The following SGCZ variants were observed in gnomAD, a reference collection of about 807,000 sequenced individuals.
The protein encoded by SGCZ is sarcoglycan zeta.
Under a neutral mutation model 41.3 loss-of-function variants are expected in SGCZ, and 40 were observed. That is an observed-to-expected ratio of 0.97 (90% CI 0.75 to 1.26). SGCZ has a LOEUF of 1.26. Ranked by LOEUF, SGCZ falls within the 50% of genes most tolerant of loss-of-function variation. The probability of loss-of-function intolerance (pLI) is 0.00; values close to 1 mark genes in which losing one functional copy is unlikely to be tolerated. For missense variants in SGCZ, 552 were observed against 369.8 expected, an observed-to-expected ratio of 1.49 and a Z score of -4.04; for synonymous variants, 206 against 137.5, an observed-to-expected ratio of 1.50 and a Z score of -3.49.
intron 1 of SGCZ, among the ~76,000 whole-genome samples, chr8:15,083,972 T>A (rs1373934847): frequency 6.7e-6 from 1 of 148,328 alleles, no homozygotes; most frequent in African/African-American, 2.6e-5. Context: ...TCCTTTACAT[T>A]CAGTTATCAT....
chr8:15,060,268 C>T (rs1286127799), intron 1 of SGCZ, among the ~76,000 whole-genome samples: 1 of 151,938 alleles, frequency 6.6e-6, no homozygotes, highest in Non-Finnish European at 1.5e-5. Context: ...TGGAACCAAC[C>T]CACATGTCCA....
chr8:14,681,056 C>T (rs770025405), intron 1 of SGCZ, among the ~76,000 whole-genome samples: 8 of 150,874 alleles, frequency 5.3e-5, no homozygotes, highest in Non-Finnish European at 1.0e-4. Flanking sequence ...GATGAAATTG[C>T]CCTAGTTCAG....
At chr8:14,513,542 A>C (rs934594857) in intron 2 of SGCZ, among the ~76,000 whole-genome samples, 6 of 95,282 alleles carry the variant, frequency 6.3e-5, no homozygotes, top group African/African-American at 2.3e-4. Flanking sequence ...CATTAAAACA[A>C]CTCTAGATCT....
intron 2 of SGCZ, among the ~76,000 whole-genome samples, chr8:14,397,325 G>T (rs1364674353): frequency 6.6e-6 from 1 of 151,934 alleles, no homozygotes; most frequent in Non-Finnish European, 1.5e-5. Context: ...TTAAATTTAG[G>T]CAATTTATAA....
intron 1 of SGCZ, among the ~76,000 whole-genome samples, chr8:14,695,571 T>C (rs1268861350): frequency 6.6e-6 from 1 of 152,042 alleles, no homozygotes; most frequent in East Asian, 1.9e-4. Context: ...CATATACAGG[T>C]CAGATTTAAT....
chr8:14,992,693 T>G lies in SGCZ; in HGVS notation c.39+244892A>C, dbSNP rs1368260458. On this transcript the variant is annotated intron_variant, in intron 1 of 7. Coordinates refer to ENST00000382080, the MANE Select transcript of SGCZ (RefSeq NM_139167.4). ...CCAAAACGAGTGTTACCCTTGATAT[T>G]TACCCCCCACCCATCCTCCTCATTC... Among the ~76,000 whole-genome samples the G allele has an allele frequency of 3.8e-5, 5 of 131,608 alleles. 1 individual carries two copies. Among genetic ancestry groups the G allele is most frequent in the Admixed American group, 1.5e-4 (2 of 12,982 alleles). The allele number at this position is 131,608 out of a possible 152,430, so 86.3% of individuals were successfully genotyped here.
At chr8:14,428,327 A>G (rs921471893) in intron 2 of SGCZ, among the ~76,000 whole-genome samples, 1 of 152,074 alleles carries the variant, frequency 6.6e-6, no homozygotes, top group East Asian at 1.9e-4. Context: ...TAATTCCAGT[A>G]GTAAATATTT....
At chr8:14,912,871 C>G (rs1799317257) in intron 1 of SGCZ, among the ~76,000 whole-genome samples, 1 of 152,104 alleles carries the variant, frequency 6.6e-6, no homozygotes, top group Non-Finnish European at 1.5e-5. Flanking sequence ...CTTCTTGCAA[C>G]TGATCTGCTT....
intron 1 of SGCZ, among the ~76,000 whole-genome samples, chr8:14,575,913 CAAAAAAAAAA>C (rs66656586): frequency 1.2e-4 from 12 of 100,004 alleles, no homozygotes; most frequent in African/African-American, 4.5e-4. Flanking sequence ...CTCAAAATAA[CAAAAAAAAAA>C]AAAAAAAAAA....
intron 2 of SGCZ, among the ~76,000 whole-genome samples, chr8:14,527,460 C>T (rs553284940): frequency 9.2e-5 from 14 of 152,024 alleles, no homozygotes; most frequent in Admixed American, 5.9e-4. Flanking sequence ...GCCACCACAC[C>T]CTTGTTAATT....
chr8:14,373,872 C>G (rs1231591328), intron 2 of SGCZ, among the ~76,000 whole-genome samples: 4 of 151,980 alleles, frequency 2.6e-5, no homozygotes, highest in South Asian at 2.1e-4. Context: ...AATAGCCACA[C>G]CTGGACTTAA....
At chr8:14,808,463 C>T (rs1409853894) in intron 1 of SGCZ, among the ~76,000 whole-genome samples, 5 of 152,094 alleles carry the variant, frequency 3.3e-5, no homozygotes, top group Non-Finnish European at 2.9e-5. Context: ...ATTTATGCAG[C>T]CAAAAAACAC....
rs190344119 is a variant in SGCZ at position 14,469,621 on chromosome 8, G to C, written c.234+85111C>G. The stretch of plus-strand genomic sequence containing the variant: ...AATGATGGCCAGTATCCCTTAGGTA[G>C]CTTCAGGATGGGACTTGTCACCAGA... On this transcript the variant is annotated intron_variant, in intron 2 of 7. Coordinates refer to ENST00000382080, the MANE Select transcript of SGCZ (RefSeq NM_139167.4). Among the ~76,000 whole-genome samples the C allele has an allele frequency of 4.6e-3, 704 of 152,036 alleles. 2 individuals are homozygous for C. The highest frequency in any genetic ancestry group is 0.011 in the Admixed American group (173 of 15,230).
chr8:14,708,897 C>T (rs775430782), intron 1 of SGCZ, among the ~76,000 whole-genome samples: 73 of 151,290 alleles, frequency 4.8e-4, no homozygotes, highest in Non-Finnish European at 9.4e-4. Context: ...ATTCTTGCTA[C>T]TTGGGACCTT....
chr8:14,993,742 C>T lies in SGCZ; in HGVS notation c.39+243843G>A, dbSNP rs182558490. 1.8e-4 allele frequency among the ~76,000 whole-genome samples: 27 copies of T among 152,158 alleles called. No individual in the cohort carries two copies. The East Asian group carries it at 2.9e-3, about 16-fold the overall frequency. ...GGGTCAACCAGACCAGTGTACCTGG[C>T]GCAGCATGAATAGGCAGAAGAATAA... On this transcript the variant is annotated intron_variant, in intron 1 of 7. Coordinates refer to ENST00000382080, the MANE Select transcript of SGCZ (RefSeq NM_139167.4).
chr8:14,691,946 G>A (rs1295157651), intron 1 of SGCZ, among the ~76,000 whole-genome samples: 1 of 151,774 alleles, frequency 6.6e-6, no homozygotes, highest in Non-Finnish European at 1.5e-5. Context: ...GAATATTTTA[G>A]TTTAGTAAAT....
intron 2 of SGCZ, among the ~76,000 whole-genome samples, chr8:14,482,833 C>A (rs552834609): frequency 3.6e-4 from 54 of 151,796 alleles, no homozygotes; most frequent in African/African-American, 1.2e-3. Context: ...AGGCCTTATA[C>A]CATTGTCACT....
At chr8:14,301,728 T>C (rs1051884003) in intron 3 of SGCZ, among the ~76,000 whole-genome samples, 3 of 152,304 alleles carry the variant, frequency 2.0e-5, no homozygotes, top group African/African-American at 7.2e-5. Flanking sequence ...GTGAGAAGAA[T>C]AACTTGCAAT....
chr8:14,232,676 T>C (rs1806614875), intron 4 of SGCZ, among the ~76,000 whole-genome samples: 1 of 152,044 alleles, frequency 6.6e-6, no homozygotes. Flanking sequence ...TATGTATACA[T>C]GTGCCATGCT....
Sources: gnomAD v4.1 joint callset for allele counts (sites outside exome capture counted in the v4.1 genomes callset) on GRCh38, gnomAD v4.1.1 for gene constraint, MANE v1.5 for transcripts, NCBI Gene and HGNC (gene_info 2026-07-23, HGNC 2026-07-21) for gene names.